HDHD2: variants seen among roughly 807,000 people sequenced by gnomAD.
The protein encoded by HDHD2 is haloacid dehalogenase like hydrolase domain containing 2, also known as haloacid dehalogenase-like hydrolase domain-containing protein 2.
A neutral mutation model predicts 24.8 loss-of-function variants in HDHD2; 26 were observed. The ratio of observed to expected loss-of-function variants is 1.05; its 90% CI spans 0.77 to 1.45. The LOEUF is 1.45. HDHD2 is among the 40% of genes most tolerant of loss of function. HDHD2 has a pLI of 0.00. For synonymous variants in HDHD2, 128 were observed against 114.9 expected (o/e 1.11, Z -0.73); for missense variants, 299 against 313.4 (o/e 0.95, Z 0.35).
chr18:47,129,813 C>T (rs187726658), intron 4 of HDHD2, among the ~76,000 whole-genome samples: 2 of 152,282 alleles, frequency 1.3e-5, no homozygotes, highest in Admixed American at 1.3e-4. Context: ...TGGCACACGC[C>T]TGTAATTCCA....
chr18:47,112,647 G>A (rs942876684), intron 6 of HDHD2, among the ~76,000 whole-genome samples: 1 of 152,172 alleles, frequency 6.6e-6, no homozygotes, highest in African/African-American at 2.4e-5. Context: ...AAAATAAAAG[G>A]TATTTTCACA....
intron 2 of HDHD2, among the ~76,000 whole-genome samples, chr18:47,136,066 G>C (rs2063763133): frequency 6.6e-6 from 1 of 152,134 alleles, no homozygotes; most frequent in African/African-American, 2.4e-5. Flanking sequence ...AGACTCTTGA[G>C]TTGTCATTCC....
chr18:47,143,234 T>C (rs945326049), intron 1 of HDHD2, among the ~76,000 whole-genome samples: 1 of 152,164 alleles, frequency 6.6e-6, no homozygotes. Flanking sequence ...GGAGGATTGC[T>C]TGAATCCAGG....
intron 1 of HDHD2, chr18:47,150,133 G>A (rs1599982667): frequency 6.6e-6 from 1 of 151,788 alleles, no homozygotes; most frequent in East Asian, 2.0e-4. Context: ...CTAGCTTCAC[G>A]ATCCGCCCCG....
chr18:47,149,148 C>T (rs910784690), intron 1 of HDHD2: 15 of 152,144 alleles, frequency 9.9e-5, no homozygotes, highest in Non-Finnish European at 2.2e-4. Context: ...ATGGATATAT[C>T]AAGGGCTACA....
intron 1 of HDHD2, among the ~76,000 whole-genome samples, chr18:47,146,703 G>A (rs2063874289): frequency 6.6e-6 from 1 of 152,132 alleles, no homozygotes; most frequent in Non-Finnish European, 1.5e-5. Flanking sequence ...ACAACTCTCG[G>A]AAATCTACTA....
chr18:47,121,572 G>C (rs754603591), intron 4 of HDHD2, among the ~76,000 whole-genome samples: 1 of 152,106 alleles, frequency 6.6e-6, no homozygotes, highest in Non-Finnish European at 1.5e-5. Context: ...CATTGTATAA[G>C]CAATAGCAGG....
At chr18:47,142,363 G>A (rs1252843537) in intron 1 of HDHD2, among the ~76,000 whole-genome samples, 1 of 151,620 alleles carries the variant, frequency 6.6e-6, no homozygotes, top group African/African-American at 2.4e-5. Context: ...TTTTTGGCCT[G>A]CAAAGCCTTA....
intron 4 of HDHD2, among the ~76,000 whole-genome samples, chr18:47,123,017 T>C (rs759212102): frequency 6.6e-6 from 1 of 152,172 alleles, no homozygotes; most frequent in African/African-American, 2.4e-5. Context: ...TAAGGCTATC[T>C]ACTATCACCA....
chr18:47,129,185 C>G (rs904675788), intron 4 of HDHD2, among the ~76,000 whole-genome samples: 7 of 152,036 alleles, frequency 4.6e-5, no homozygotes, highest in Admixed American at 3.3e-4. Flanking sequence ...ATTACAAAAT[C>G]CAAAGAAAAG....
chr18:47,136,642 GTT>G (rs144963110), intron 1 of HDHD2, among the ~76,000 whole-genome samples, 193 bp from the exon 2 acceptor site: 70 of 142,976 alleles, frequency 4.9e-4, no homozygotes, highest in African/African-American at 9.0e-4. Context: ...CAATACTTAG[GTT>G]TTTTTTTAAA....
At chr18:47,109,873 C>G in intron 6 of HDHD2, 1 of 534,376 alleles carries the variant, frequency 1.9e-6, no homozygotes, top group Non-Finnish European at 2.4e-6. Context: ...GGGGCTATAT[C>G]TGTTACATGT....
At chr18:47,147,358 T>C (rs1483201684) in intron 1 of HDHD2, among the ~76,000 whole-genome samples, 2 of 152,188 alleles carry the variant, frequency 1.3e-5, no homozygotes, top group Non-Finnish European at 1.5e-5. Flanking sequence ...AATTGAAGGA[T>C]TATATAAGCA....
At chr18:47,129,987 G>A (rs531343324) in intron 4 of HDHD2, among the ~76,000 whole-genome samples, 2 of 152,214 alleles carry the variant, frequency 1.3e-5, no homozygotes, top group African/African-American at 4.8e-5. Flanking sequence ...GAGCCATGAT[G>A]ATGTCACTGC....
chr18:47,111,484 A>G (rs369801386), intron 6 of HDHD2: 2 of 985,122 alleles, frequency 2.0e-6, no homozygotes, highest in Admixed American at 6.1e-5. Context: ...AGCAAAAGGC[A>G]GGAATCTGAA....
rs144790709 is a variant in HDHD2, at chr18:47,138,860, G to A, written c.-10-2411C>T. ...CCTGGAGGAAGGAATGCTGCACAGGGGTCAAGAACAATCTAAACAGGCCTT... is the reference window on the plus strand; with the variant it reads ...CCTGGAGGAAGGAATGCTGCACAGGAGTCAAGAACAATCTAAACAGGCCTT... On this transcript the variant is annotated intron_variant, in intron 1 of 6. Coordinates refer to ENST00000300605, the MANE Select transcript of HDHD2 (RefSeq NM_032124.5). 2.0e-5 allele frequency among the ~76,000 whole-genome samples: 3 copies of A among 152,234 alleles called. No homozygotes were observed. The East Asian group carries it at 5.8e-4, about 29-fold the overall frequency.
chr18:47,130,209 T>C lies in HDHD2; in HGVS notation c.395+35A>G, dbSNP rs1479130451. On this transcript the variant is annotated intron_variant, in intron 4 of 6. Coordinates refer to ENST00000300605, the MANE Select transcript of HDHD2 (RefSeq NM_032124.5). Reference sequence around the variant, plus strand: ...CAAAAGGAAAGGAAGAAGGGAACTATTATGATCAGATGAAAAATAAATAGC... The same window carrying C: ...CAAAAGGAAAGGAAGAAGGGAACTACTATGATCAGATGAAAAATAAATAGC... 3 of 1,291,852 alleles carry C rather than the reference T, an allele frequency of 2.3e-6. No individual in the cohort carries two copies. In the East Asian group the frequency reaches 6.9e-5, roughly 30 times the overall value. The allele number at this position is 1,291,852 out of a possible 1,614,324, so 80.0% of individuals were successfully genotyped here.
chr18:47,144,941 A>G (rs932099722), intron 1 of HDHD2, among the ~76,000 whole-genome samples: 71 of 152,340 alleles, frequency 4.7e-4, no homozygotes, highest in Admixed American at 1.4e-3. Context: ...CTGCATAAGC[A>G]GCCCTATAAG....
intron 4 of HDHD2, among the ~76,000 whole-genome samples, chr18:47,124,191 A>G (rs2144317687): frequency 6.6e-6 from 1 of 152,374 alleles, no homozygotes; most frequent in African/African-American, 2.4e-5. Context: ...TGCTAAAAGT[A>G]AAACAATAAA....
Sources: allele counts gnomAD v4.1 joint callset (sites outside exome capture counted in the v4.1 genomes callset), GRCh38; gene constraint gnomAD v4.1.1; transcripts MANE v1.5; gene names NCBI Gene and HGNC (gene_info 2026-07-23, HGNC 2026-07-21).